PCLO: variants seen among roughly 807,000 people sequenced by gnomAD.
The protein encoded by PCLO is protein piccolo.
In PCLO, 82 loss-of-function variants were observed where a neutral mutation model predicts 427.5. That is an observed-to-expected ratio of 0.19 (90% confidence interval 0.16 to 0.23). PCLO has a LOEUF of 0.23. PCLO is among the 10% of genes least tolerant of loss of function. PCLO has a pLI of 1.00. For missense variants in PCLO, 6,239 were observed against 6,115.9 expected, an observed-to-expected ratio of 1.02 and a Z score of -0.67; for synonymous variants, 2,357 against 2,155.4, an observed-to-expected ratio of 1.09 and a Z score of -2.59.
chr7:83,013,769 C>T (rs1483514768), intron 3 of PCLO, among the ~76,000 whole-genome samples: 2 of 152,096 alleles, frequency 1.3e-5, no homozygotes, highest in Non-Finnish European at 2.9e-5. Context: ...TAAAATGGAA[C>T]GTTTGTGTGA....
intron 10 of PCLO, chr7:82,868,233 G>A: frequency 2.2e-6 from 1 of 456,498 alleles, no homozygotes; most frequent in South Asian, 1.5e-5. Context: ...CAGAAATAGA[G>A]ACTTTCTTGC....
chr7:82,954,748 T>C lies in PCLO; in HGVS notation c.6205A>G (p.Met2069Val). 6.2e-7 allele frequency: 1 copy of C among 1,613,910 alleles called. No individual in the cohort carries two copies. The highest frequency in any genetic ancestry group is 8.5e-7 in the Non-Finnish European group (1 of 1,179,838). Residue 2069 changes from methionine (M) to valine (V), a missense_variant, in exon 5 of 25, where the codon ATG (methionine) becomes GTG (valine). Coordinates refer to ENST00000333891, the MANE Select transcript of PCLO (RefSeq NM_033026.6). Reference sequence around the variant, plus strand: ...GTTAATTGCATCTGTTGCCTCTTCATAAGTTCTTCATAGGCAGCATCAGCA... The same window carrying C: ...GTTAATTGCATCTGTTGCCTCTTCACAAGTTCTTCATAGGCAGCATCAGCA... ...LDADAAYEEL[M>V]KRQQMQLTPG...
intron 3 of PCLO, among the ~76,000 whole-genome samples, chr7:82,991,914 C>G (rs1241980269): frequency 6.6e-6 from 1 of 152,038 alleles, no homozygotes; most frequent in Non-Finnish European, 1.5e-5. Flanking sequence ...ATGGCATTAT[C>G]CTGTAAACTT....
intron 3 of PCLO, among the ~76,000 whole-genome samples, chr7:83,128,915 ATTCT>A (rs1275527935): frequency 2.0e-5 from 3 of 152,252 alleles, no homozygotes; most frequent in African/African-American, 7.2e-5. Flanking sequence ...AATCTGCTTC[ATTCT>A]TCTAAATTCA....
At chr7:83,061,462 C>T (rs1789541639) in intron 3 of PCLO, among the ~76,000 whole-genome samples, 1 of 152,214 alleles carries the variant, frequency 6.6e-6, no homozygotes, top group East Asian at 1.9e-4. Flanking sequence ...TGTTTTGCCA[C>T]ATAACATAAT....
At chr7:82,852,637 T>C (rs185210525) in intron 10 of PCLO, among the ~76,000 whole-genome samples, 2 of 152,240 alleles carry the variant, frequency 1.3e-5, no homozygotes, top group African/African-American at 4.8e-5. Context: ...GTTTCCTTGC[T>C]CCTCAACTTG....
rs559651925 is a variant in PCLO at position 82,943,122 on chromosome 7, C to T, written c.11112+6354G>A. On this transcript the variant is annotated intron_variant, in intron 6 of 24. Transcript: ENST00000333891. ...TTTCAGAAATAGACATTAAAGGATT[C>T]CAAAAATTTTAAAAATAGCTATCAA... Among the ~76,000 whole-genome samples, 7 of 152,122 alleles carry T rather than the reference C, an allele frequency of 4.6e-5. No homozygotes were observed. The East Asian group carries it at 1.2e-3, about 25-fold the overall frequency.
rs190853405 is a variant in PCLO at position 83,147,832 on chromosome 7, C to T, written c.1893+6916G>A. The stretch of plus-strand genomic sequence containing the variant: ...AAAGCCTCCCTCACTACCACCAAGC[C>T]TTCCTCTCTGGAATCAATCAGTATT... On this transcript the variant is annotated intron_variant, in intron 2 of 24. Transcript: ENST00000333891. 7.1e-3 allele frequency among the ~76,000 whole-genome samples: 1,075 copies of T among 152,216 alleles called. 7 individuals are homozygous for T. The highest frequency in any genetic ancestry group is 0.014 in the South Asian group (66 of 4,824).
chr7:83,026,070 C>T (rs1362844586), intron 3 of PCLO, among the ~76,000 whole-genome samples: 1 of 151,290 alleles, frequency 6.6e-6, no homozygotes, highest in Non-Finnish European at 1.5e-5. Context: ...CACCAGCTAA[C>T]ATCATCATGA....
At chr7:82,885,823 G>A (rs972094401) in intron 9 of PCLO, among the ~76,000 whole-genome samples, 2 of 151,770 alleles carry the variant, frequency 1.3e-5, no homozygotes, top group African/African-American at 4.8e-5. Context: ...TGCATGTGAG[G>A]AAAATGAGGC....
At chr7:82,815,925 T>C (rs188899756) in intron 20 of PCLO, among the ~76,000 whole-genome samples, 16 of 152,270 alleles carry the variant, frequency 1.1e-4, no homozygotes, top group Non-Finnish European at 2.4e-4. Flanking sequence ...TCTACGTCAT[T>C]CCTATTCACA....
intron 3 of PCLO, among the ~76,000 whole-genome samples, chr7:82,998,600 G>A (rs1472889640): frequency 6.6e-6 from 1 of 151,816 alleles, no homozygotes; most frequent in African/African-American, 2.4e-5. Context: ...AGAGAATGTG[G>A]ACTGAGAAAC....
intron 6 of PCLO, among the ~76,000 whole-genome samples, chr7:82,945,463 T>C (rs914871866): frequency 1.4e-4 from 22 of 152,154 alleles, no homozygotes; most frequent in Admixed American, 3.9e-4. Context: ...TATTTGAACA[T>C]AGGGTCTTTA....
chr7:83,131,749 A>G (rs1791578775), intron 3 of PCLO, among the ~76,000 whole-genome samples: 1 of 152,030 alleles, frequency 6.6e-6, no homozygotes, highest in South Asian at 2.1e-4. Flanking sequence ...TTAGGTCACA[A>G]GAAACATATT....
chr7:83,129,592 A>G (rs1484159005), intron 3 of PCLO, among the ~76,000 whole-genome samples: 1 of 152,194 alleles, frequency 6.6e-6, no homozygotes, highest in Non-Finnish European at 1.5e-5. Context: ...CCCTTGATGT[A>G]GCAACCGTAG....
At chr7:82,920,802 T>C (rs1030681045) in intron 6 of PCLO, among the ~76,000 whole-genome samples, 2 of 151,806 alleles carry the variant, frequency 1.3e-5, no homozygotes, top group Non-Finnish European at 3.0e-5. Context: ...TGTGCATTAA[T>C]TCATTGTCAG....
At chr7:83,083,578 C>A (rs1790157758) in intron 3 of PCLO, among the ~76,000 whole-genome samples, 1 of 152,062 alleles carries the variant, frequency 6.6e-6, no homozygotes, top group South Asian at 2.1e-4. Context: ...CCTGATGACT[C>A]CCAAGTTGAT....
intron 3 of PCLO, among the ~76,000 whole-genome samples, chr7:83,028,888 GA>G (rs1350641503): frequency 6.6e-6 from 1 of 151,864 alleles, no homozygotes; most frequent in African/African-American, 2.4e-5. Context: ...ATGGTGCTGG[GA>G]AAACTGGCTA....
At position 82,955,513 on chromosome 7, in the gene PCLO, G is replaced by T. The variant is rs1390136844; in HGVS notation, c.5440C>A (p.Leu1814Ile). The change falls in exon 5 of 25, where the codon CTT becomes ATT. Residue 1814 changes from leucine to isoleucine, a missense_variant. Leu to Ile is a conservative substitution (Grantham distance 5). Around this residue, in one of 5 missense-constraint regions of PCLO, gnomAD observed 4,677 missense variants for 4,468.4 expected, o/e 1.05. Transcript: ENST00000333891. Reference protein sequence around the residue: ...SKKSKKDKDELRAQRRRERPK... With the variant: ...SKKSKKDKDEIRAQRRRERPK... Reference sequence around the variant, plus strand: ...CTTTCCCTTCTTCTCTGAGCTCGAAGTTCATCTTTGTCTTTCTTTGATTTT... The same window carrying T: ...CTTTCCCTTCTTCTCTGAGCTCGAATTTCATCTTTGTCTTTCTTTGATTTT... The T allele has an allele frequency of 2.5e-6, 4 of 1,613,714 alleles. No homozygotes were observed. In the African/African-American group the frequency reaches 5.3e-5, roughly 22 times the overall value.
Sources: gnomAD v4.1 joint callset for allele counts (sites outside exome capture counted in the v4.1 genomes callset) on GRCh38, gnomAD v4.1.1 for gene constraint, gnomAD v4.1.1 regional missense constraint, MANE v1.5 for transcripts, NCBI Gene and HGNC (gene_info 2026-07-23, HGNC 2026-07-21) for gene names.